The following PLD3 variants were observed in gnomAD, a reference collection of about 807,000 sequenced individuals.
PLD3 encodes the protein phospholipase D family member 3, also known as 5'-3' exonuclease PLD3.
Under a neutral mutation model 58.4 loss-of-function variants are expected in PLD3, and 31 were observed. That is an observed-to-expected ratio of 0.53 (90% CI 0.40 to 0.72). PLD3 has a LOEUF of 0.72. Among genes scored for constraint, PLD3 ranks in the 30% least tolerant of loss-of-function variants. The pLI is 0.00. For missense variants in PLD3, 595 were observed against 659.8 expected (o/e 0.90, Z 1.08); for synonymous variants, 264 against 273.4 (o/e 0.97, Z 0.34).
At chr19:40,377,965 G>T (rs1487217516) in intron 12 of PLD3, 21 bp from the exon 13 acceptor site, 5 of 1,612,592 alleles carry the variant, frequency 3.1e-6, no homozygotes, top group Non-Finnish European at 3.4e-6. Flanking sequence ...GTGCCCTTAT[G>T]CTCCACCCAT....
chr19:40,367,089 G>A (rs1265790386), intron 5 of PLD3, 174 bp downstream of exon 5: 4 of 637,706 alleles, frequency 6.3e-6, no homozygotes, highest in Non-Finnish European at 1.0e-5. Context: ...TAGTTTCTAT[G>A]GCAGCCACAG....
intron 1 of PLD3, among the ~76,000 whole-genome samples, chr19:40,349,645 T>A (rs1357334204): frequency 6.6e-6 from 1 of 152,198 alleles, no homozygotes; most frequent in African/African-American, 2.4e-5. Context: ...ATGGTGTTTT[T>A]GGCTAATATT....
In PLD3 at chr19:40,369,908, G is replaced by T. The variant is rs1183881129; in HGVS notation, c.430G>T (p.Gly144Cys). 1 of 1,555,920 alleles carries T rather than the reference G, an allele frequency of 6.4e-7. No homozygotes were observed. Among genetic ancestry groups the T allele is most frequent in the Non-Finnish European group, 8.7e-7 (1 of 1,150,756 alleles). The change falls in exon 7 of 13, where the codon GGT becomes TGT. Residue 144 changes from glycine (G) to cysteine (C), a missense_variant and splice_region_variant. By Grantham distance (159) the Gly-to-Cys change is radical. Coordinates refer to ENST00000409735, the MANE Select transcript of PLD3 (RefSeq NM_012268.4). ...CTCAGAAGCTCTCCCCTCCCCGCAG[G>T]GTGAGGAGGTCCTCCGGCAGCTGCA... ...THTQEPSAQQ[G>C]EEVLRQLQTL...
intron 8 of PLD3, chr19:40,370,970 A>G (rs569708646): frequency 6.6e-6 from 1 of 152,614 alleles, no homozygotes; most frequent in African/African-American, 2.4e-5. Flanking sequence ...GGTTGGGGAG[A>G]CACAGGCAGA....
chr19:40,354,326 C>A (rs1029979710), intron 1 of PLD3, among the ~76,000 whole-genome samples: 5 of 151,802 alleles, frequency 3.3e-5, no homozygotes, highest in African/African-American at 1.2e-4. Context: ...ACTGCCTCGG[C>A]CTCCCAAAGT....
chr19:40,354,692 A>G (rs1301256029), intron 1 of PLD3, among the ~76,000 whole-genome samples: 1 of 151,310 alleles, frequency 6.6e-6, no homozygotes, highest in African/African-American at 2.4e-5. Flanking sequence ...CGCCCTGCTA[A>G]TTTTTGTATT....
intron 8 of PLD3, 91 bp from the exon 9 acceptor site, chr19:40,371,582 A>G: frequency 2.6e-6 from 2 of 784,234 alleles, no homozygotes; most frequent in South Asian, 3.3e-5. Context: ...ACTGTGGGAC[A>G]GGGGGAAAGA....
Position 40,378,269 on chromosome 19 carries a change from GC to G in PLD3, c.*100del. 1 of 1,164,712 alleles carries G rather than the reference GC, an allele frequency of 8.6e-7. No individual in the cohort carries two copies. Among genetic ancestry groups the G allele is most frequent in the Non-Finnish European group, 1.3e-6 (1 of 784,664 alleles). 72.1% of individuals were successfully genotyped at this position (1,164,712 alleles called of 1,614,324 possible). On this transcript the variant is annotated 3_prime_UTR_variant, in exon 13 of 13. Coordinates refer to ENST00000409735, the MANE Select transcript of PLD3 (RefSeq NM_012268.4). ...TGTCCCCGCGCCCCCGCTTCTGTCT[GC>G]CCCATTGTGGCTCCTCAGGCTCTCT...
chr19:40,364,286 G>A (rs111430413), intron 1 of PLD3, among the ~76,000 whole-genome samples: 31,399 of 151,750 alleles, frequency 0.21, 3,525 homozygotes, highest in African/African-American at 0.3. Flanking sequence ...ACCACAAGGC[G>A]GAGGTTGCAG....
rs1600319112 is a variant in PLD3, at chr19:40,370,193, T to C, written c.634T>C (p.Phe212Leu). 6.2e-7 allele frequency: 1 copy of C among 1,613,990 alleles called. No homozygotes were observed. Residue 212 changes from phenylalanine (F) to leucine (L), a missense_variant, in exon 8 of 13, where the codon TTC becomes CTC. Transcript: ENST00000409735. ...TKFWVVDQTH[F>L]YLGSANMDWR... The stretch of plus-strand genomic sequence containing the variant: ...GTTCTGGGTGGTGGACCAGACCCAC[T>C]TCTACCTGGGCAGTGCCAACATGGA...
chr19:40,372,410 T>C (rs1316159105), intron 9 of PLD3, among the ~76,000 whole-genome samples: 1 of 152,056 alleles, frequency 6.6e-6, no homozygotes, highest in Admixed American at 6.6e-5. Context: ...GGCAGGGGGA[T>C]CACTTGAGCC....
At position 40,371,746 on chromosome 19, in the gene PLD3, A is replaced by G. The variant is rs999670728; in HGVS notation, c.752A>G (p.Tyr251Cys). 1.2e-6 allele frequency: 2 copies of G among 1,613,782 alleles called. No homozygotes were observed. Among genetic ancestry groups the G allele is most frequent in the Admixed American group, 1.7e-5 (1 of 60,008 alleles). The change falls in exon 9 of 13, where the codon TAC becomes TGC. Residue 251 changes from tyrosine to cysteine, a missense_variant. Physicochemically the swap from Tyr to Cys is radical, Grantham distance 194. Coordinates refer to ENST00000409735, the MANE Select transcript of PLD3 (RefSeq NM_012268.4). Reference protein sequence around the residue: ...ARDLTKIFEAYWFLGQAGSSI... With the variant: ...ARDLTKIFEACWFLGQAGSSI... ...GACCTGACCAAGATCTTTGAGGCCT[A>G]CTGGTTCCTGGGCCAGGCAGGCAGC...
chr19:40,357,647 C>T (rs964554030), intron 1 of PLD3: 3 of 152,172 alleles, frequency 2.0e-5, no homozygotes, highest in African/African-American at 7.2e-5. Context: ...AAAATAATCT[C>T]CTCTCAAAAT....
chr19:40,348,880 A>G (rs923729999), intron 1 of PLD3, 112 bp downstream of exon 1: 1 of 150,022 alleles, frequency 6.7e-6, no homozygotes, highest in African/African-American at 2.5e-5. Context: ...TATGGAATAT[A>G]ATATATATAA....
intron 1 of PLD3, among the ~76,000 whole-genome samples, chr19:40,363,588 G>T (rs759644777): frequency 6.6e-6 from 1 of 152,074 alleles, no homozygotes; most frequent in Admixed American, 6.6e-5. Context: ...CCGCCACCAC[G>T]CCCAGCTAAT....
intron 1 of PLD3, among the ~76,000 whole-genome samples, chr19:40,364,104 C>T (rs954789137): frequency 2.0e-4 from 30 of 151,722 alleles, no homozygotes; most frequent in African/African-American, 4.4e-4. Context: ...GCCTGTAATC[C>T]CAGCACTTTG....
At chr19:40,361,391 A>G (rs2078779662) in intron 1 of PLD3, among the ~76,000 whole-genome samples, 2 of 152,122 alleles carry the variant, frequency 1.3e-5, no homozygotes, top group South Asian at 2.1e-4. Flanking sequence ...GATTACAGGC[A>G]TGAGCCATCA....
intron 5 of PLD3, chr19:40,367,196 C>T (rs112129252): frequency 3.3e-4 from 141 of 423,274 alleles, no homozygotes; most frequent in African/African-American, 2.7e-3. Context: ...CCTTCCACAC[C>T]TCTAGACAGA....
At chr19:40,370,054 G>T in intron 7 of PLD3, 26 bp downstream of exon 7, 1 of 1,573,064 alleles carries the variant, frequency 6.4e-7, no homozygotes, top group Non-Finnish European at 8.6e-7. Context: ...ACTGGGGCTG[G>T]TCTGGGCCTG....
Sources: allele counts gnomAD v4.1 joint callset (sites outside exome capture counted in the v4.1 genomes callset), GRCh38; gene constraint gnomAD v4.1.1; transcripts MANE v1.5; gene names NCBI Gene and HGNC (gene_info 2026-07-23, HGNC 2026-07-21).